The following COL22A1 variants were observed in gnomAD, a reference collection of about 807,000 sequenced individuals.
COL22A1 encodes the protein collagen type XXII alpha 1 chain.
A neutral mutation model predicts 248.9 loss-of-function variants in COL22A1; 221 were observed. The observed-to-expected ratio is 0.89, with a 90% CI of 0.80 to 0.99. The LOEUF (loss-of-function observed/expected upper bound fraction) is 0.99. Among genes scored for constraint, COL22A1 ranks in the 50% least tolerant of loss-of-function variants. The pLI, the probability that COL22A1 is intolerant of heterozygous loss-of-function variation, is 0.00. For missense variants in COL22A1, 2,240 were observed against 2,179.0 expected (o/e 1.03, Z -0.56); for synonymous variants, 891 against 793.4 (o/e 1.12, Z -2.07).
chr8:138,651,256 T>TTGGAATGGTCTTTTATTCC (rs1822709119), intron 45 of COL22A1, among the ~76,000 whole-genome samples: 1 of 152,138 alleles, frequency 6.6e-6, no homozygotes, highest in African/African-American at 2.4e-5. Context: ...AGTCTCCTTG[T>TTGGAATGGTCTTTTATTCC]TGGAATGGTC....
intron 3 of COL22A1, among the ~76,000 whole-genome samples, chr8:138,861,910 G>A (rs551576385): frequency 2.0e-5 from 3 of 151,970 alleles, no homozygotes; most frequent in East Asian, 3.9e-4. Flanking sequence ...TAAAGTAGGC[G>A]GGGCGCAGTG....
rs1296031702 is a variant in COL22A1, at chr8:138,725,780, CACACACACACA to C, written c.2140-351_2140-341del. On this transcript the variant is annotated intron_variant, in intron 23 of 64. Coordinates refer to ENST00000303045, the MANE Select transcript of COL22A1 (RefSeq NM_152888.3). ...ACACACACACACACACACACACACA[CACACACACACA>C]CACACACATAGTCTGACCCATGCAT... 2.0e-5 allele frequency among the ~76,000 whole-genome samples: 3 copies of C among 151,908 alleles called. No homozygotes were observed. The South Asian group carries it at 6.3e-4, about 32-fold the overall frequency.
chr8:138,772,541 G>A (rs73361026), intron 16 of COL22A1, among the ~76,000 whole-genome samples: 8,138 of 152,284 alleles, frequency 0.053, 247 homozygotes, highest in South Asian at 0.075. Flanking sequence ...GGATGGCTGG[G>A]TGGGTGGGCA....
chr8:138,616,609 T>C (rs1158549634), intron 54 of COL22A1, among the ~76,000 whole-genome samples: 2 of 152,186 alleles, frequency 1.3e-5, no homozygotes, highest in Non-Finnish European at 2.9e-5. Context: ...AAAAAGAACC[T>C]AATAGCAACA....
At chr8:138,700,178 G>A in intron 31 of COL22A1, 34 bp from the exon 32 acceptor site, 2 of 1,608,132 alleles carry the variant, frequency 1.2e-6, no homozygotes, top group Middle Eastern at 1.7e-4. Flanking sequence ...AGAAAGATGG[G>A]CATCAAGGAA....
intron 12 of COL22A1, among the ~76,000 whole-genome samples, chr8:138,781,185 C>T (rs1814956558): frequency 6.6e-6 from 1 of 152,184 alleles, no homozygotes; most frequent in Non-Finnish European, 1.5e-5. Flanking sequence ...AGATCTACAT[C>T]AGGGTCCATG....
chr8:138,741,872 G>A (rs376583687), intron 22 of COL22A1, among the ~76,000 whole-genome samples: 3 of 152,144 alleles, frequency 2.0e-5, no homozygotes, highest in African/African-American at 4.8e-5. Context: ...TCTTGTGGTG[G>A]CATTGATGAT....
chr8:138,813,242 C>T (rs527575315), intron 7 of COL22A1, among the ~76,000 whole-genome samples: 3 of 152,278 alleles, frequency 2.0e-5, no homozygotes, highest in Admixed American at 2.0e-4. Flanking sequence ...TGTGTCCCCA[C>T]CCAAATCTCA....
chr8:138,686,514 A>G (rs1278523373), intron 37 of COL22A1, among the ~76,000 whole-genome samples: 1 of 152,222 alleles, frequency 6.6e-6, no homozygotes, highest in Non-Finnish European at 1.5e-5. Flanking sequence ...CCAAGCCTGG[A>G]GCAGGATCAG....
Position 138,690,852 on chromosome 8 carries a change from G to C in COL22A1, c.2777C>G (p.Ala926Gly), listed in dbSNP as rs762522073. The part of the protein sequence containing the change: ...GNPGAPGHVG[A>G]PGPSGPPGSV... ...TCCTGGAGGGCCACTGGGACCGGGG[G>C]CACCGACATGTCCGGGAGCACCCTG... Residue 926 changes from alanine to glycine, a missense_variant, in exon 36 of 65, where the codon GCC becomes GGC. Coordinates refer to ENST00000303045, the MANE Select transcript of COL22A1 (RefSeq NM_152888.3). 5 of 1,610,466 alleles carry C rather than the reference G, an allele frequency of 3.1e-6. No individual in the cohort carries two copies. The highest frequency in any genetic ancestry group is 4.2e-6 in the Non-Finnish European group (5 of 1,178,382).
In COL22A1 at chr8:138,645,813, T is replaced by C. The variant is rs143680047; in HGVS notation, c.3501+816A>G. The stretch of plus-strand genomic sequence containing the variant: ...GAGGCATGCTATGTCCAGCCAGGCC[T>C]CAGGAAGAGACATAGGGACACATTT... On this transcript the variant is annotated intron_variant, in intron 47 of 64. Coordinates refer to ENST00000303045, the MANE Select transcript of COL22A1 (RefSeq NM_152888.3). Among the ~76,000 whole-genome samples the C allele has an allele frequency of 4.1e-4, 63 of 152,322 alleles. No individual in the cohort carries two copies. The East Asian group carries it at 0.011, about 27-fold the overall frequency.
At position 138,594,089 on chromosome 8, in the gene COL22A1, C is replaced by A. The variant is rs931304758; in HGVS notation, c.4543G>T (p.Gly1515Cys). Reference sequence around the variant, plus strand: ...GGACGACCTGGCTCCCCCATGGGGCCGGCCCGGCCTGGAAGCCCATCTTTT... The same window carrying A: ...GGACGACCTGGCTCCCCCATGGGGCAGGCCCGGCCTGGAAGCCCATCTTTT... ...PGKDGLPGRA[G>C]PMGEPGRPGQ... is the part of the protein sequence containing the mutation. Residue 1515 changes from glycine (G) to cysteine (C), a missense_variant, in exon 63 of 65, where the codon GGC becomes TGC. Physicochemically the swap from Gly to Cys is radical, Grantham distance 159 (BLOSUM62 -3). Coordinates refer to ENST00000303045, the MANE Select transcript of COL22A1 (RefSeq NM_152888.3). The A allele has an allele frequency of 1.3e-6, 2 of 1,585,954 alleles. No homozygotes were observed. Among genetic ancestry groups the A allele is most frequent in the African/African-American group, 2.8e-5 (2 of 72,196 alleles).
intron 45 of COL22A1, 55 bp from the exon 46 acceptor site, chr8:138,649,833 T>TCAAAG (rs1822539887): frequency 6.9e-6 from 8 of 1,158,318 alleles, no homozygotes; most frequent in African/African-American, 4.7e-5. Flanking sequence ...AAATACAGTT[T>TCAAAG]CAAAGCAAAG....
At chr8:138,805,471 TGATATGGGATGGCA>T (rs1817463205) in intron 10 of COL22A1, among the ~76,000 whole-genome samples, 1 of 105,836 alleles carries the variant, frequency 9.4e-6, no homozygotes, top group African/African-American at 4.3e-5. Context: ...GTGTGTGTAA[TGATATGGGATGGCA>T]TGTGATGGTG....
chr8:138,626,144 G>T, intron 51 of COL22A1, 46 bp downstream of exon 51: 2 of 1,451,382 alleles, frequency 1.4e-6, no homozygotes, highest in South Asian at 2.5e-5. Context: ...TTTATAAAGA[G>T]AAACTAGTTT....
At chr8:138,830,631 T>C (rs1193673417) in intron 5 of COL22A1, among the ~76,000 whole-genome samples, 1 of 152,226 alleles carries the variant, frequency 6.6e-6, no homozygotes, top group Non-Finnish European at 1.5e-5. Flanking sequence ...CCACAGAGCA[T>C]TGCCTGAATT....
In COL22A1 at chr8:138,724,180, TC is replaced by T. The variant is rs1430640499; in HGVS notation, c.2247+434del. On this transcript the variant is annotated intron_variant, in intron 25 of 64. Coordinates refer to ENST00000303045, the MANE Select transcript of COL22A1 (RefSeq NM_152888.3). ...TCTAAGCTCCACCTGCCCCCTAAGATCCCCCAGGTCTCTCAGTTTGCAAGGG... is the reference window on the plus strand; with the variant it reads ...TCTAAGCTCCACCTGCCCCCTAAGATCCCCAGGTCTCTCAGTTTGCAAGGG... Among the ~76,000 whole-genome samples the T allele has an allele frequency of 2.6e-5, 4 of 151,832 alleles. No homozygotes were observed. The South Asian group carries it at 8.4e-4, about 32-fold the overall frequency.
At chr8:138,873,562 T>C (rs113699484) in intron 3 of COL22A1, among the ~76,000 whole-genome samples, 171 of 152,290 alleles carry the variant, frequency 1.1e-3, no homozygotes, top group Admixed American at 2.7e-3. Flanking sequence ...TGTGAAGACA[T>C]ACACTAGGCA....
chr8:138,776,072 G>A, intron 15 of COL22A1, 62 bp from the exon 16 acceptor site: 1 of 1,561,796 alleles, frequency 6.4e-7, no homozygotes, highest in Non-Finnish European at 8.8e-7. Context: ...TGCTCACCGT[G>A]GGGGTGTCCA....
Sources: allele counts gnomAD v4.1 joint callset (sites outside exome capture counted in the v4.1 genomes callset), GRCh38; gene constraint gnomAD v4.1.1; transcripts MANE v1.5; gene names NCBI Gene and HGNC (gene_info 2026-07-23, HGNC 2026-07-21).